The following MTHFD2 variants were observed in gnomAD, a reference collection of about 807,000 sequenced individuals.
MTHFD2 encodes the protein bifunctional methylenetetrahydrofolate dehydrogenase/cyclohydrolase, mitochondrial.
Under a neutral mutation model 36.8 loss-of-function variants are expected in MTHFD2, and 26 were observed. That is an observed-to-expected ratio of 0.71 (90% CI 0.52 to 0.98). MTHFD2 has a LOEUF of 0.98. Ranked by LOEUF, MTHFD2 falls within the 50% of genes least tolerant of loss-of-function variation. The pLI, the probability that MTHFD2 is intolerant of heterozygous loss-of-function variation, is 0.00. For synonymous variants in MTHFD2, 164 were observed against 155.2 expected, an observed-to-expected ratio of 1.06 and a Z score of -0.42; for missense variants, 373 against 434.0, an observed-to-expected ratio of 0.86 and a Z score of 1.25.
chr2:74,211,842 T>G lies in MTHFD2; in HGVS notation c.865T>G (p.Leu289Val). Residue 289 changes from leucine to valine, a missense_variant, in exon 7 of 8, where the codon TTG becomes GTG. Leu to Val is a conservative substitution (Grantham distance 32, BLOSUM62 1). This residue lies in a region of MTHFD2 where 308 missense variants were observed against 397.8 expected (regional missense o/e 0.77). Transcript: ENST00000394053. ...VHDPVTAKPK[L>V]VGDVDFEGVR... ...CGATCCTGTAACTGCCAAACCCAAG[T>G]TGGTTGGAGATGTGGATTTTGAAGG... 6.2e-7 allele frequency: 1 copy of G among 1,610,940 alleles called. No individual in the cohort carries two copies.
intron 1 of MTHFD2, among the ~76,000 whole-genome samples, chr2:74,204,429 AAC>A (rs1694131621): frequency 6.6e-6 from 1 of 152,170 alleles, no homozygotes; most frequent in African/African-American, 2.4e-5. Flanking sequence ...CCACCTCAGC[AAC>A]AGTTTTCTGA....
At chr2:74,204,553 A>G (rs1441531994) in intron 1 of MTHFD2, among the ~76,000 whole-genome samples, 3 of 152,184 alleles carry the variant, frequency 2.0e-5, no homozygotes, top group African/African-American at 7.2e-5. Flanking sequence ...TACTGGTTCA[A>G]CTAACTCTCA....
chr2:74,211,838 C>T lies in MTHFD2; in HGVS notation c.861C>T (p.Pro287=). 1 of 1,610,492 alleles carries T rather than the reference C, an allele frequency of 6.2e-7. No individual in the cohort carries two copies. Among genetic ancestry groups the T allele is most frequent in the Non-Finnish European group, 8.5e-7 (1 of 1,179,336 alleles). Reference sequence around the variant, plus strand: ...TTCACGATCCTGTAACTGCCAAACCCAAGTTGGTTGGAGATGTGGATTTTG... The same window carrying T: ...TTCACGATCCTGTAACTGCCAAACCTAAGTTGGTTGGAGATGTGGATTTTG... The part of the protein sequence containing the change: ...NRVHDPVTAK[P]KLVGDVDFEG... The change falls in exon 7 of 8, where the codon CCC becomes CCT. Residue 287 remains proline, a synonymous_variant. Transcript: ENST00000394053.
chr2:74,204,849 G>T (rs1694141741), intron 1 of MTHFD2, among the ~76,000 whole-genome samples: 1 of 152,060 alleles, frequency 6.6e-6, no homozygotes, highest in African/African-American at 2.4e-5. Flanking sequence ...TTTTTGAGAC[G>T]GAGTCTAGCT....
At chr2:74,205,449 GATA>G (rs1371053699) in intron 1 of MTHFD2, among the ~76,000 whole-genome samples, 2 of 152,036 alleles carry the variant, frequency 1.3e-5, no homozygotes, top group Non-Finnish European at 2.9e-5. Flanking sequence ...TCAAATTAAT[GATA>G]ATAATGATTT....
chr2:74,210,843 G>A (rs781576037), intron 5 of MTHFD2, among the ~76,000 whole-genome samples: 1 of 141,056 alleles, frequency 7.1e-6, no homozygotes, highest in African/African-American at 2.7e-5. Context: ...GGCTAGTGCA[G>A]TGGCACAATC....
chr2:74,211,172 TCAAGA>T (rs777095140), intron 5 of MTHFD2, 22 bp from the exon 6 acceptor site: 1 of 1,441,378 alleles, frequency 6.9e-7, no homozygotes, highest in Non-Finnish European at 9.8e-7. Context: ...GTGTCAGAAA[TCAAGA>T]CATCTATTTT....
rs1044156227 is a variant in MTHFD2, at chr2:74,216,629, G to C, written c.*2387G>C. 2 of 152,108 alleles carry C rather than the reference G, an allele frequency of 1.3e-5. No homozygotes were observed. Among genetic ancestry groups the C allele is most frequent in the Non-Finnish European group, 2.9e-5 (2 of 68,028 alleles). The allele number at this position is 152,108 out of a possible 1,614,324, so 9.4% of individuals were successfully genotyped here. On this transcript the variant is annotated 3_prime_UTR_variant, in exon 8 of 8. Coordinates refer to ENST00000394053, the MANE Select transcript of MTHFD2 (RefSeq NM_006636.4). ...AAAAATTAATTATTATTGTTTATAA[G>C]ACATGGATTCCAGCTGTCTCCCTGG...
At chr2:74,206,016 T>C in intron 2 of MTHFD2, 127 bp downstream of exon 2, 2 of 966,410 alleles carry the variant, frequency 2.1e-6, no homozygotes, top group Non-Finnish European at 3.1e-6. Context: ...GTGATTGAAC[T>C]GTATCCCAAA....
intron 7 of MTHFD2, 30 bp from the exon 8 acceptor site, chr2:74,214,049 A>T: frequency 6.2e-7 from 1 of 1,604,786 alleles, no homozygotes; most frequent in South Asian, 1.1e-5. Context: ...GCCATAACTA[A>T]AGCAGCCTGC....
rs1272993042 is a variant in MTHFD2 at position 74,198,755 on chromosome 2, C to T, written c.101+13C>T. 2 of 1,597,944 alleles carry T rather than the reference C, an allele frequency of 1.3e-6. No individual in the cohort carries two copies. The highest frequency in any genetic ancestry group is 2.7e-5 in the African/African-American group (2 of 74,368). On this transcript the variant is annotated intron_variant, in intron 1 of 7. Coordinates refer to ENST00000394053, the MANE Select transcript of MTHFD2 (RefSeq NM_006636.4). ...TCGCGGCAGTTCGGTAAGAGGGTCA[C>T]AGAGCTCGGTCAGCGCGGAAAGCTG...
chr2:74,210,087 C>G (rs745519269), intron 5 of MTHFD2, 38 bp downstream of exon 5: 3 of 1,545,722 alleles, frequency 1.9e-6, no homozygotes, highest in Non-Finnish European at 8.9e-7. Flanking sequence ...GTCCTTTTTT[C>G]CCCATGTAAG....
chr2:74,211,208 C>T lies in MTHFD2; in HGVS notation c.680C>T (p.Thr227Ile), dbSNP rs1002806962. Residue 227 changes from threonine to isoleucine, a missense_variant, in exon 6 of 8, where the codon ACT (threonine) becomes ATT (isoleucine). By Grantham distance (89) the Thr-to-Ile change is moderately conservative (BLOSUM62 -1). This residue lies in a region of MTHFD2 where 308 missense variants were observed against 397.8 expected (regional missense o/e 0.77). Coordinates refer to ENST00000394053, the MANE Select transcript of MTHFD2 (RefSeq NM_006636.4). The part of the protein sequence containing the change: ...GAHERPGGDA[T>I]VTISHRYTPK... ...ATTTTTTTCTTTCTAGGTGATGCCA[C>T]TGTTACAATATCTCATCGATATACT... The T allele has an allele frequency of 1.9e-6, 3 of 1,602,876 alleles. No individual in the cohort carries two copies. The highest frequency in any genetic ancestry group is 2.6e-6 in the Non-Finnish European group (3 of 1,172,226).
rs1694273825 is a variant in MTHFD2, at chr2:74,210,186, G to A, written c.670+137G>A. ...GAAATTTTGTTAACAGACAATTCAG[G>A]GAGTAACCTTTGTAGAGAAGCTGCA... On this transcript the variant is annotated intron_variant, in intron 5 of 7. Coordinates refer to ENST00000394053, the MANE Select transcript of MTHFD2 (RefSeq NM_006636.4). 3 of 576,546 alleles carry A rather than the reference G, an allele frequency of 5.2e-6. No individual in the cohort carries two copies. In the Admixed American group the frequency reaches 1.1e-4, roughly 21 times the overall value. 35.7% of individuals were successfully genotyped at this position (576,546 alleles called of 1,614,324 possible). A position where few individuals can be genotyped will look rare whatever the true frequency, so the allele number is the denominator to read the frequency against.
Position 74,211,179 on chromosome 2 carries a change from A to T in MTHFD2, c.671-20A>T. 6.7e-7 allele frequency: 1 copy of T among 1,491,178 alleles called. No homozygotes were observed. The highest frequency in any genetic ancestry group is 9.3e-7 in the Non-Finnish European group (1 of 1,070,588). 92.4% of individuals were successfully genotyped at this position (1,491,178 alleles called of 1,614,324 possible). On this transcript the variant is annotated intron_variant, in intron 5 of 7. Coordinates refer to ENST00000394053, the MANE Select transcript of MTHFD2 (RefSeq NM_006636.4). ...CCAGCTTTGTGTCAGAAATCAAGAC[A>T]TCTATTTTTTTCTTTCTAGGTGATG...
chr2:74,203,849 T>C (rs868408975), intron 1 of MTHFD2, among the ~76,000 whole-genome samples: 1 of 30,956 alleles, frequency 3.2e-5, no homozygotes, highest in Non-Finnish European at 5.9e-5. Context: ...TCATCTAGTT[T>C]AGTTTAGTTT....
At position 74,216,538 on chromosome 2, in the gene MTHFD2, CTG is replaced by C. The variant is rs1694450412; in HGVS notation, c.*2297_*2298del. On this transcript the variant is annotated 3_prime_UTR_variant, in exon 8 of 8. Transcript: ENST00000394053. ...ATTCCAGATCAGCCAGGTTTTAAAA[CTG>C]AAATGTGTTAAGGGTGGATTGTTAG... 6.6e-6 allele frequency: 1 copy of C among 152,190 alleles called. No individual in the cohort carries two copies. The highest frequency in any genetic ancestry group is 2.4e-5 in the African/African-American group (1 of 41,446). The allele number at this position is 152,190 out of a possible 1,614,324, so 9.4% of individuals were successfully genotyped here. A position where few individuals can be genotyped will look rare whatever the true frequency, so the allele number is the denominator to read the frequency against.
rs1459463225 is a variant in MTHFD2 at position 74,217,408 on chromosome 2, C to T, written c.*3166C>T. The T allele has an allele frequency of 6.6e-6, 1 of 152,108 alleles. No individual in the cohort carries two copies. The highest frequency in any genetic ancestry group is 1.5e-5 in the Non-Finnish European group (1 of 68,028). 9.4% of individuals were successfully genotyped at this position (152,108 alleles called of 1,614,324 possible). On this transcript the variant is annotated 3_prime_UTR_variant, in exon 8 of 8. Coordinates refer to ENST00000394053, the MANE Select transcript of MTHFD2 (RefSeq NM_006636.4). ...CTTCATTGAAACTGGTTTTTATCTT[C>T]CCAAATAGTTTTCAATCATTCCTTT...
chr2:74,217,201 C>T lies in MTHFD2; in HGVS notation c.*2959C>T, dbSNP rs1694470845. 6.6e-6 allele frequency: 1 copy of T among 152,186 alleles called. No homozygotes were observed. The highest frequency in any genetic ancestry group is 6.5e-5 in the Admixed American group (1 of 15,280). The allele number at this position is 152,186 out of a possible 1,614,324, so 9.4% of individuals were successfully genotyped here. ...GTCATCTTGAGCAAATATAGTAACTCTAACCTCAAGGTTCAAGTGATTTAC... is the reference window on the plus strand; with the variant it reads ...GTCATCTTGAGCAAATATAGTAACTTTAACCTCAAGGTTCAAGTGATTTAC... On this transcript the variant is annotated 3_prime_UTR_variant, in exon 8 of 8. Coordinates refer to ENST00000394053, the MANE Select transcript of MTHFD2 (RefSeq NM_006636.4).
Sources: allele counts gnomAD v4.1 joint callset (sites outside exome capture counted in the v4.1 genomes callset), GRCh38; gene constraint gnomAD v4.1.1; regional missense constraint gnomAD v4.1.1; transcripts MANE v1.5; gene names NCBI Gene and HGNC (gene_info 2026-07-23, HGNC 2026-07-21).